Variants in BTAF1 observed in about 807,000 individuals in gnomAD.
BTAF1 encodes B-TFIID TATA-box binding protein associated factor 1.
Under a neutral mutation model 227.1 loss-of-function variants are expected in BTAF1, and 38 were observed. That is an observed-to-expected ratio of 0.17 (90% CI 0.13 to 0.22). BTAF1 has a LOEUF of 0.22. Ranked by LOEUF, BTAF1 falls within the 10% of genes least tolerant of loss-of-function variation. The pLI is 1.00. For synonymous variants in BTAF1, 742 were observed against 751.9 expected (o/e 0.99, Z 0.21); for missense variants, 1,598 against 2,204.0 (o/e 0.73, Z 5.51).
At chr10:91,945,453 C>G (rs1845303515) in intron 4 of BTAF1, among the ~76,000 whole-genome samples, 1 of 152,104 alleles carries the variant, frequency 6.6e-6, no homozygotes, top group Non-Finnish European at 1.5e-5. Flanking sequence ...CCCATTTCCC[C>G]CTTTCCCCAG....
chr10:92,025,250 C>G (rs1187550348), intron 35 of BTAF1, among the ~76,000 whole-genome samples: 3 of 152,044 alleles, frequency 2.0e-5, no homozygotes, highest in Admixed American at 2.0e-4. Context: ...CTACTTTCCC[C>G]CTTACCTTTT....
intron 4 of BTAF1, among the ~76,000 whole-genome samples, chr10:91,950,811 GATTTGTTTCCAT>G (rs1845720759): frequency 6.7e-6 from 1 of 148,476 alleles, no homozygotes; most frequent in Non-Finnish European, 1.5e-5. Flanking sequence ...AAATAAAATT[GATTTGTTTCCAT>G]AGAGATGTAT....
intron 13 of BTAF1, 133 bp downstream of exon 13, chr10:91,964,334 G>A (rs1248636392): frequency 9.0e-6 from 9 of 1,000,798 alleles, no homozygotes; most frequent in African/African-American, 3.4e-5. Context: ...AAAGACTACC[G>A]TTTTCAGAAG....
At chr10:91,975,667 A>T (rs1330476022) in intron 14 of BTAF1, among the ~76,000 whole-genome samples, 2 of 152,224 alleles carry the variant, frequency 1.3e-5, no homozygotes, top group Non-Finnish European at 2.9e-5. Flanking sequence ...ATATGCTGGT[A>T]GAAATGATGA....
intron 25 of BTAF1, among the ~76,000 whole-genome samples, chr10:91,999,758 TA>T (rs1849386447): frequency 6.6e-6 from 1 of 152,224 alleles, no homozygotes; most frequent in South Asian, 2.1e-4. Flanking sequence ...GGATAGTAGA[TA>T]TGTAAATCAT....
chr10:91,986,597 G>A (rs1256993089), intron 19 of BTAF1, among the ~76,000 whole-genome samples: 17 of 151,908 alleles, frequency 1.1e-4, no homozygotes, highest in Non-Finnish European at 2.1e-4. Flanking sequence ...ATTTTCCCGA[G>A]TGTTGTTATT....
At chr10:92,014,389 G>A (rs937548760) in intron 32 of BTAF1, among the ~76,000 whole-genome samples, 5 of 152,014 alleles carry the variant, frequency 3.3e-5, no homozygotes, top group African/African-American at 1.2e-4. Context: ...CACCATGCCC[G>A]GCTAATTTTT....
intron 20 of BTAF1, among the ~76,000 whole-genome samples, chr10:91,991,797 G>GTATATATATA (rs1166615338): frequency 7.0e-4 from 7 of 9,978 alleles, no homozygotes; most frequent in African/African-American, 1.1e-3. Context: ...GTGTGTGTGT[G>GTATATATATA]TATATATATA....
chr10:91,967,333 C>T (rs1846986195), intron 14 of BTAF1, among the ~76,000 whole-genome samples: 1 of 152,032 alleles, frequency 6.6e-6, no homozygotes, highest in Non-Finnish European at 1.5e-5. Context: ...GAGTCCTTGC[C>T]CTGTTTATAA....
Position 92,031,207 on chromosome 10 carries a change from T to G in BTAF1, c.*2274T>G, listed in dbSNP as rs1012876745. ...TTAGTCTTATCATTTGGGTTTCTTGTAGGAAAATCTTAACATTTGGGGGCC... is the reference window on the plus strand; with the variant it reads ...TTAGTCTTATCATTTGGGTTTCTTGGAGGAAAATCTTAACATTTGGGGGCC... On this transcript the variant is annotated 3_prime_UTR_variant, in exon 38 of 38. Transcript: ENST00000265990. 2.6e-5 allele frequency among the ~76,000 whole-genome samples: 4 copies of G among 152,226 alleles called. No homozygotes were observed. The highest frequency in any genetic ancestry group is 9.6e-5 in the African/African-American group (4 of 41,462).
intron 32 of BTAF1, among the ~76,000 whole-genome samples, chr10:92,015,736 T>C (rs985086812): frequency 6.6e-6 from 1 of 152,202 alleles, no homozygotes; most frequent in African/African-American, 2.4e-5. Context: ...TGGCTTTGTT[T>C]AGCATTCACA....
intron 35 of BTAF1, among the ~76,000 whole-genome samples, chr10:92,026,176 A>G (rs780512627): frequency 1.7e-4 from 26 of 152,116 alleles, no homozygotes; most frequent in Non-Finnish European, 3.2e-4. Flanking sequence ...AGTGTCTTCT[A>G]GGACTAGTAC....
At chr10:91,997,958 CA>C (rs906347640) in intron 25 of BTAF1, among the ~76,000 whole-genome samples, 1 of 150,678 alleles carries the variant, frequency 6.6e-6, no homozygotes, top group African/African-American at 2.4e-5. Flanking sequence ...AAAAAAAATA[CA>C]AAAAAAAGAC....
rs41287646 is a variant in BTAF1, at chr10:91,989,623, T to G, written c.2854+43T>G. The G allele has an allele frequency of 0.077, 115,480 of 1,505,708 alleles. 5,096 individuals are homozygous for G. Among genetic ancestry groups the G allele is most frequent in the Middle Eastern group, 0.09 (502 of 5,572 alleles). 93.3% of individuals were successfully genotyped at this position (1,505,708 alleles called of 1,614,324 possible). A position where few individuals can be genotyped will look rare whatever the true frequency, so the allele number is the denominator to read the frequency against. On this transcript the variant is annotated intron_variant, in intron 20 of 37. Transcript: ENST00000265990. ...TATTTGGGGTAGAGAAATAACCTTT[T>G]AAATTTGTTTTTGTTTACTTATGGG...
intron 11 of BTAF1, among the ~76,000 whole-genome samples, chr10:91,961,554 C>T (rs1197854155): frequency 5.3e-5 from 8 of 151,874 alleles, no homozygotes. Context: ...TGCTCCCTTC[C>T]TTGCTTTTCC....
intron 2 of BTAF1, among the ~76,000 whole-genome samples, 158 bp from the exon 3 acceptor site, chr10:91,939,794 A>C (rs1346377882): frequency 6.6e-6 from 1 of 152,170 alleles, no homozygotes; most frequent in East Asian, 1.9e-4. Context: ...GAATGATAGA[A>C]TCTTGTAAAT....
chr10:92,027,018 A>C, intron 36 of BTAF1, 112 bp from the exon 37 acceptor site: 1 of 1,176,720 alleles, frequency 8.5e-7, no homozygotes, highest in Non-Finnish European at 1.2e-6. Context: ...CAAAATAAAA[A>C]TCCAACCCTA....
rs1360625568 is a variant in BTAF1 at position 91,997,053 on chromosome 10, C to T, written c.3511+483C>T. The T allele has an allele frequency of 6.6e-6, 8 of 1,214,540 alleles. No individual in the cohort carries two copies. The South Asian group carries it at 1.0e-4, about 15-fold the overall frequency. The allele number at this position is 1,214,540 out of a possible 1,614,324, so 75.2% of individuals were successfully genotyped here. ...TTGCTAAGGGTATGGCAGCAGCTAACATTCTTTAACTCAAAGTATCTGAAA... is the reference window on the plus strand; with the variant it reads ...TTGCTAAGGGTATGGCAGCAGCTAATATTCTTTAACTCAAAGTATCTGAAA... On this transcript the variant is annotated intron_variant, in intron 24 of 37. Transcript: ENST00000265990.
At chr10:91,981,475 C>T (rs1033574744) in intron 15 of BTAF1, among the ~76,000 whole-genome samples, 168 bp from the exon 16 acceptor site, 2 of 151,294 alleles carry the variant, frequency 1.3e-5, no homozygotes, top group Non-Finnish European at 2.9e-5. Flanking sequence ...AGTGCACAAA[C>T]CTATTAGAAA....
Sources: gnomAD v4.1 joint callset for allele counts (sites outside exome capture counted in the v4.1 genomes callset) on GRCh38, gnomAD v4.1.1 for gene constraint, MANE v1.5 for transcripts, NCBI Gene and HGNC (gene_info 2026-07-23, HGNC 2026-07-21) for gene names.